DOCK4: variants seen among roughly 807,000 people sequenced by gnomAD.
The protein encoded by DOCK4 is dedicator of cytokinesis protein 4.
In DOCK4, 97 loss-of-function variants were observed where a neutral mutation model predicts 268.1. The observed-to-expected ratio is 0.36, with a 90% CI of 0.31 to 0.43. The LOEUF is 0.43. Among genes scored for constraint, DOCK4 ranks in the 20% least tolerant of loss-of-function variants. DOCK4 has a pLI of 1.00. For missense variants in DOCK4, 2,145 were observed against 2,455.7 expected (o/e 0.87, Z 2.67); for synonymous variants, 954 against 887.2 (o/e 1.08, Z -1.34).
chr7:112,165,653 C>A (rs954653861), intron 1 of DOCK4, among the ~76,000 whole-genome samples: 5 of 151,674 alleles, frequency 3.3e-5, no homozygotes, highest in African/African-American at 1.2e-4. Context: ...AAGATGATAA[C>A]TATTACTCCC....
chr7:111,776,303 G>A lies in DOCK4; in HGVS notation c.3679+1973C>T, dbSNP rs948271793. Among the ~76,000 whole-genome samples the A allele has an allele frequency of 7.9e-5, 12 of 151,996 alleles. 1 individual carries two copies. The highest frequency in any genetic ancestry group is 1.2e-4 in the African/African-American group (5 of 41,408). On this transcript the variant is annotated intron_variant, in intron 36 of 52. Transcript: ENST00000428084. ...CCATGAAGTAAAGGTGAACATTTTT[G>A]AATAAATAAAAAGATAGACATTCTT...
intron 1 of DOCK4, among the ~76,000 whole-genome samples, chr7:112,015,276 T>A (rs1172540041): frequency 6.6e-6 from 1 of 152,180 alleles, no homozygotes; most frequent in Non-Finnish European, 1.5e-5. Context: ...TATGGCAACA[T>A]CTGGAAGTTA....
intron 8 of DOCK4, among the ~76,000 whole-genome samples, chr7:111,948,806 G>C (rs1411063338): frequency 6.6e-6 from 1 of 151,658 alleles, no homozygotes; most frequent in African/African-American, 2.4e-5. Context: ...TGTTAGTCAG[G>C]CTGGTCTCGA....
intron 23 of DOCK4, among the ~76,000 whole-genome samples, chr7:111,851,650 C>G (rs900164231): frequency 1.9e-4 from 29 of 151,900 alleles, no homozygotes; most frequent in African/African-American, 7.0e-4. Flanking sequence ...CTTCTTTCTA[C>G]TTGAGGACCC....
intron 8 of DOCK4, among the ~76,000 whole-genome samples, chr7:111,951,023 T>C (rs1586473722): frequency 6.6e-6 from 1 of 152,150 alleles, no homozygotes; most frequent in Admixed American, 6.6e-5. Context: ...CCAGAGGCAA[T>C]CTCTCCGCAG....
At chr7:111,845,581 A>G (rs1563581783) in intron 24 of DOCK4, among the ~76,000 whole-genome samples, 1 of 152,030 alleles carries the variant, frequency 6.6e-6, no homozygotes, top group African/African-American at 2.4e-5. Flanking sequence ...ACAAAACAAA[A>G]CTCTATGTAC....
intron 8 of DOCK4, among the ~76,000 whole-genome samples, chr7:111,973,156 C>CATATATATAT (rs144045255): frequency 0.035 from 4,002 of 113,702 alleles, 129 homozygotes; most frequent in African/African-American, 0.056. Flanking sequence ...TATTCCATGG[C>CATATATATAT]ATATATATAT....
intron 22 of DOCK4, among the ~76,000 whole-genome samples, chr7:111,864,908 C>CT (rs1322102387): frequency 1.3e-5 from 2 of 152,070 alleles, no homozygotes; most frequent in Admixed American, 1.3e-4. Flanking sequence ...ATTTATATGT[C>CT]TTGACTTCAA....
chr7:112,140,461 A>C (rs1399103511), intron 1 of DOCK4, among the ~76,000 whole-genome samples: 1 of 152,120 alleles, frequency 6.6e-6, no homozygotes, highest in Non-Finnish European at 1.5e-5. Flanking sequence ...ATTCCTTAAG[A>C]TTAATATTCT....
In DOCK4 at chr7:112,004,443, C is replaced by T. The variant is rs149551131; in HGVS notation, c.38-312G>A. Among the ~76,000 whole-genome samples the T allele has an allele frequency of 3.6e-3, 541 of 152,238 alleles. 4 individuals carry two copies. Among genetic ancestry groups the T allele is most frequent in the African/African-American group, 0.012 (505 of 41,538 alleles). ...CTGAGAGCTCCTTAAAGGACTGTGA[C>T]CCTTTTGTTTCACTGCTTTCTTCAC... On this transcript the variant is annotated intron_variant, in intron 1 of 52. Coordinates refer to ENST00000428084, the MANE Select transcript of DOCK4 (RefSeq NM_001363540.2).
At chr7:112,118,504 G>A (rs772325639) in intron 1 of DOCK4, among the ~76,000 whole-genome samples, 1 of 152,064 alleles carries the variant, frequency 6.6e-6, no homozygotes, top group African/African-American at 2.4e-5. Flanking sequence ...TTCACATTTC[G>A]TATAAATATA....
intron 7 of DOCK4, among the ~76,000 whole-genome samples, chr7:111,978,912 C>T (rs368895863): frequency 6.6e-6 from 1 of 152,096 alleles, no homozygotes; most frequent in Admixed American, 6.5e-5. Flanking sequence ...ATTAATAGAA[C>T]GGGTGCTAAA....
chr7:112,164,942 G>C (rs1443794168), intron 1 of DOCK4, among the ~76,000 whole-genome samples: 1 of 152,144 alleles, frequency 6.6e-6, no homozygotes, highest in Non-Finnish European at 1.5e-5. Context: ...CCATTAAGGA[G>C]TAAAAATTTG....
chr7:112,031,407 C>A (rs992207363), intron 1 of DOCK4, among the ~76,000 whole-genome samples: 1 of 152,166 alleles, frequency 6.6e-6, no homozygotes, highest in African/African-American at 2.4e-5. Context: ...CTTATCTTCA[C>A]AGTTTTCTTT....
chr7:112,001,523 A>G (rs1800422459), intron 2 of DOCK4, among the ~76,000 whole-genome samples: 1 of 152,160 alleles, frequency 6.6e-6, no homozygotes, highest in African/African-American at 2.4e-5. Flanking sequence ...TCCAAGGCAC[A>G]AGAGTAGTGA....
In DOCK4 at chr7:111,817,866, C is replaced by T. The variant is rs140723755; in HGVS notation, c.2930+4496G>A. On this transcript the variant is annotated intron_variant, in intron 27 of 52. Transcript: ENST00000428084. Reference sequence around the variant, plus strand: ...AAACTCTTCCTGTAATTACTATTTTCAGTTTCTCAACTCCTATTCACTCTA... The same window carrying T: ...AAACTCTTCCTGTAATTACTATTTTTAGTTTCTCAACTCCTATTCACTCTA... Among the ~76,000 whole-genome samples, 5 of 152,270 alleles carry T rather than the reference C, an allele frequency of 3.3e-5. No homozygotes were observed. The East Asian group carries it at 9.6e-4, about 29-fold the overall frequency.
At chr7:111,780,387 A>G (rs112284162) in intron 35 of DOCK4, among the ~76,000 whole-genome samples, 25 of 152,240 alleles carry the variant, frequency 1.6e-4, no homozygotes, top group Non-Finnish European at 7.3e-5. Flanking sequence ...AATCATTTTA[A>G]TTAGCAAGAA....
At chr7:111,890,177 A>C (rs945149107) in intron 16 of DOCK4, among the ~76,000 whole-genome samples, 1 of 152,122 alleles carries the variant, frequency 6.6e-6, no homozygotes, top group African/African-American at 2.4e-5. Flanking sequence ...ACTTTTGGAG[A>C]ACAAATTTGC....
Position 111,819,965 on chromosome 7 carries a change from A to G in DOCK4, c.2930+2397T>C, listed in dbSNP as rs568836454. 3.3e-5 allele frequency: 5 copies of G among 152,342 alleles called. No individual in the cohort carries two copies. The South Asian group carries it at 1.0e-3, about 32-fold the overall frequency. 9.4% of individuals were successfully genotyped at this position (152,342 alleles called of 1,614,324 possible). A position where few individuals can be genotyped will look rare whatever the true frequency, so the allele number is the denominator to read the frequency against. On this transcript the variant is annotated intron_variant, in intron 27 of 52. Coordinates refer to ENST00000428084, the MANE Select transcript of DOCK4 (RefSeq NM_001363540.2). Reference sequence around the variant, plus strand: ...CTTCAACATGGTTTAGCCAAGCGGAAACTTTTTCTTCCTAGTGTATGCTCT... The same window carrying G: ...CTTCAACATGGTTTAGCCAAGCGGAGACTTTTTCTTCCTAGTGTATGCTCT...
Sources: allele counts gnomAD v4.1 joint callset (sites outside exome capture counted in the v4.1 genomes callset), GRCh38; gene constraint gnomAD v4.1.1; transcripts MANE v1.5; gene names NCBI Gene and HGNC (gene_info 2026-07-23, HGNC 2026-07-21).